Variants in PRSS33 observed in about 807,000 individuals in gnomAD.
PRSS33 encodes the protein serine protease 33.
A neutral mutation model predicts 26.7 loss-of-function variants in PRSS33; 32 were observed. That is an observed-to-expected ratio of 1.20 (90% CI 0.90 to 1.61). The LOEUF is 1.61. Among genes scored for constraint, PRSS33 ranks in the 40% most tolerant of loss-of-function variants. The probability of loss-of-function intolerance (pLI) is 0.00; values close to 1 mark genes in which losing one functional copy is unlikely to be tolerated. For missense variants in PRSS33, 450 were observed against 396.3 expected (o/e 1.14, Z -1.15); for synonymous variants, 192 against 177.6 (o/e 1.08, Z -0.64).
In PRSS33 at chr16:2,786,585, C is replaced by A; in HGVS notation, c.-38G>T. Reference sequence around the variant, plus strand: ...GCTGGGCTGGGTAAGGGTGGCACTGCCTAGGGCTTGGACTCTGGTCTGGAG... The same window carrying A: ...GCTGGGCTGGGTAAGGGTGGCACTGACTAGGGCTTGGACTCTGGTCTGGAG... On this transcript the variant is annotated 5_prime_UTR_variant, in exon 2 of 7. Transcript: ENST00000682474. 1 of 1,611,672 alleles carries A rather than the reference C, an allele frequency of 6.2e-7. No homozygotes were observed. Among genetic ancestry groups the A allele is most frequent in the Admixed American group, 1.7e-5 (1 of 59,906 alleles).
At chr16:2,786,823 G>T (rs2068878999) in intron 1 of PRSS33, 2 of 361,680 alleles carry the variant, frequency 5.5e-6, no homozygotes, top group Non-Finnish European at 1.0e-5. Context: ...CTCGACAGAA[G>T]CCCTGGAGCC....
At position 2,786,118 on chromosome 16, in the gene PRSS33, G is replaced by T. The variant is rs1237494365; in HGVS notation, c.50C>A (p.Ala17Asp). 1 of 1,613,248 alleles carries T rather than the reference G, an allele frequency of 6.2e-7. No homozygotes were observed. Among genetic ancestry groups the T allele is most frequent in the East Asian group, 2.2e-5 (1 of 44,876 alleles). The change falls in exon 3 of 7, where the codon GCT becomes GAT. Residue 17 changes from alanine to aspartate, a missense_variant. Physicochemically the swap from Ala to Asp is moderately radical, Grantham distance 126 (BLOSUM62 -2). Coordinates refer to ENST00000682474, the MANE Select transcript of PRSS33 (RefSeq NM_152891.3). ...LQVLLLLVLG[A>D]AGTQGRKSAA... ...AGACTTCCTTCCCTGAGTCCCAGCAGCTCCTGGAGGAGGAAGCAGGGAAGG... is the reference window on the plus strand; with the variant it reads ...AGACTTCCTTCCCTGAGTCCCAGCATCTCCTGGAGGAGGAAGCAGGGAAGG...
In PRSS33 at chr16:2,786,575, G is replaced by T. The variant is rs780621454; in HGVS notation, c.-28C>A. ...TGTCTTCAAGGCTGGGCTGGGTAAG[G>T]GTGGCACTGCCTAGGGCTTGGACTC... On this transcript the variant is annotated 5_prime_UTR_variant, in exon 2 of 7. Coordinates refer to ENST00000682474, the MANE Select transcript of PRSS33 (RefSeq NM_152891.3). The T allele has an allele frequency of 5.0e-6, 8 of 1,612,704 alleles. No individual in the cohort carries two copies. Among genetic ancestry groups the T allele is most frequent in the Non-Finnish European group, 4.2e-6 (5 of 1,179,484 alleles).
At chr16:2,785,307 A>C in intron 5 of PRSS33, 68 bp downstream of exon 5, 1 of 1,456,482 alleles carries the variant, frequency 6.9e-7, no homozygotes, top group South Asian at 1.4e-5. Flanking sequence ...AGGGGCTGGG[A>C]TTTCCAGTCA....
chr16:2,785,053 C>G lies in PRSS33; in HGVS notation c.633G>C (p.Leu211=), dbSNP rs775473326. ...ADVPQAERIV[L]PGSLCAGYPQ... ...GGTAGCCGGCACACAGACTCCCAGG[C>G]AGCACAATGCGCTCAGCCTGGGGCA... The change falls in exon 6 of 7, where the codon CTG becomes CTC. Residue 211 remains leucine (L), a synonymous_variant. Coordinates refer to ENST00000682474, the MANE Select transcript of PRSS33 (RefSeq NM_152891.3). 7.6e-6 allele frequency: 12 copies of G among 1,583,878 alleles called. No individual in the cohort carries two copies. Among genetic ancestry groups the G allele is most frequent in the Admixed American group, 7.2e-5 (4 of 55,880 alleles).
chr16:2,785,474 T>G lies in PRSS33; in HGVS notation c.415A>C (p.Ser139Arg). ...AGGCAGACGGGTTGGACGCGAGCGCTCAGGGGCACCGGGCGACGCAGCTGC... is the reference window on the plus strand; with the variant it reads ...AGGCAGACGGGTTGGACGCGAGCGCGCAGGGGCACCGGGCGACGCAGCTGC... ...LLQLRRPVPL[S>R]ARVQPVCLPV... The change falls in exon 5 of 7, where the codon AGC becomes CGC. Residue 139 changes from serine to arginine, a missense_variant. Coordinates refer to ENST00000682474, the MANE Select transcript of PRSS33 (RefSeq NM_152891.3). The G allele has an allele frequency of 6.6e-7, 1 of 1,516,202 alleles. No individual in the cohort carries two copies. The highest frequency in any genetic ancestry group is 8.8e-7 in the Non-Finnish European group (1 of 1,140,466). The allele number at this position is 1,516,202 out of a possible 1,614,324, so 93.9% of individuals were successfully genotyped here.
In PRSS33 at chr16:2,786,581, A is replaced by G. The variant is rs747406340; in HGVS notation, c.-34T>C. ...CAAGGCTGGGCTGGGTAAGGGTGGC[A>G]CTGCCTAGGGCTTGGACTCTGGTCT... On this transcript the variant is annotated 5_prime_UTR_variant, in exon 2 of 7. Transcript: ENST00000682474. 7 of 1,611,838 alleles carry G rather than the reference A, an allele frequency of 4.3e-6. No homozygotes were observed. Among genetic ancestry groups the G allele is most frequent in the Non-Finnish European group, 5.9e-6 (7 of 1,179,016 alleles).
At position 2,785,632 on chromosome 16, in the gene PRSS33, G is replaced by T; in HGVS notation, c.257C>A (p.Ala86Asp). Residue 86 changes from alanine to aspartate, a missense_variant, in exon 5 of 7, where the codon GCT (alanine) becomes GAT (aspartate). Ala to Asp is a moderately radical substitution (Grantham distance 126, BLOSUM62 -2). Transcript: ENST00000682474. The part of the protein sequence containing the change: ...AHCFPRRALP[A>D]EYRVRLGALR... Reference sequence around the variant, plus strand: ...CGCCCCCAGGCGCACGCGGTACTCAGCTGGCAGTGCCCTCCTGCAGGACAG... The same window carrying T: ...CGCCCCCAGGCGCACGCGGTACTCATCTGGCAGTGCCCTCCTGCAGGACAG... 1 of 1,497,522 alleles carries T rather than the reference G, an allele frequency of 6.7e-7. No homozygotes were observed. The highest frequency in any genetic ancestry group is 2.2e-5 in the Admixed American group (1 of 44,598). The allele number at this position is 1,497,522 out of a possible 1,614,324, so 92.8% of individuals were successfully genotyped here. A position where few individuals can be genotyped will look rare whatever the true frequency, so the allele number is the denominator to read the frequency against.
intron 3 of PRSS33, 21 bp from the exon 4 acceptor site, chr16:2,785,982 G>T: frequency 6.2e-7 from 1 of 1,613,110 alleles, no homozygotes; most frequent in South Asian, 1.1e-5. Flanking sequence ...ACCAGGGGCG[G>T]TGAGGGTTGG....
chr16:2,786,363 C>G, intron 2 of PRSS33, 139 bp downstream of exon 2: 2 of 1,047,780 alleles, frequency 1.9e-6, no homozygotes, highest in Non-Finnish European at 2.8e-6. Flanking sequence ...AGGTCAGTGG[C>G]AGAGAGGATT....
Position 2,784,727 on chromosome 16 carries a change from C to T in PRSS33, c.760G>A (p.Gly254Ser). The change falls in exon 7 of 7, where the codon GGT (glycine) becomes AGT (serine). Residue 254 changes from glycine (G) to serine (S), a missense_variant. Gly to Ser is a moderately conservative substitution (Grantham distance 56). Coordinates refer to ENST00000682474, the MANE Select transcript of PRSS33 (RefSeq NM_152891.3). The part of the protein sequence containing the change: ...VLVGVVSWGK[G>S]CALPNRPGVY... ...CCTGGACGGTTGGGCAGGGCACAAC[C>T]CTTGCCCCAGCTCACCACGCCCACC... 6.2e-7 allele frequency: 1 copy of T among 1,607,328 alleles called. No individual in the cohort carries two copies. Among genetic ancestry groups the T allele is most frequent in the Middle Eastern group, 1.7e-4 (1 of 6,054 alleles).
In PRSS33 at chr16:2,785,159, T is replaced by A. The variant is rs963930408; in HGVS notation, c.527A>T (p.Glu176Val). ...CCTTACTCCTTGTAGCGGTCGCCACTCTGGGAGGGGCACTGGGGGAAGAGG... is the reference window on the plus strand; with the variant it reads ...CCTTACTCCTTGTAGCGGTCGCCACACTGGGAGGGGCACTGGGGGAAGAGG... ...GSLRPGVPLP[E>V]WRPLQGVRVP... The change falls in exon 6 of 7, where the codon GAG (glutamate) becomes GTG (valine). Residue 176 changes from glutamate (E) to valine (V), a missense_variant. Glu to Val is a moderately radical substitution (Grantham distance 121, BLOSUM62 -2). Transcript: ENST00000682474. 3 of 1,539,250 alleles carry A rather than the reference T, an allele frequency of 1.9e-6. No individual in the cohort carries two copies. The African/African-American group carries it at 4.1e-5, about 21-fold the overall frequency.
chr16:2,785,493 C>T lies in PRSS33; in HGVS notation c.396G>A (p.Leu132=), dbSNP rs1345461118. ...GARGDLALLQ[L]RRPVPLSARV... is the part of the protein sequence containing the mutation. Reference sequence around the variant, plus strand: ...GAGCGCTCAGGGGCACCGGGCGACGCAGCTGCAGCAGTGCCAGGTCGCCGC... The same window carrying T: ...GAGCGCTCAGGGGCACCGGGCGACGTAGCTGCAGCAGTGCCAGGTCGCCGC... Residue 132 remains leucine (L), a synonymous_variant, in exon 5 of 7, where the codon CTG becomes CTA. Transcript: ENST00000682474. 2 of 1,521,560 alleles carry T rather than the reference C, an allele frequency of 1.3e-6. No homozygotes were observed. The highest frequency in any genetic ancestry group is 4.0e-5 in the Admixed American group (2 of 49,928). The allele number at this position is 1,521,560 out of a possible 1,614,324, so 94.3% of individuals were successfully genotyped here.
chr16:2,785,030 T>G lies in PRSS33; in HGVS notation c.656A>C (p.Tyr219Ser). The change falls in exon 6 of 7, where the codon TAC becomes TCC. Residue 219 changes from tyrosine (Y) to serine (S), a missense_variant. By Grantham distance (144) the Tyr-to-Ser change is moderately radical. Coordinates refer to ENST00000682474, the MANE Select transcript of PRSS33 (RefSeq NM_152891.3). Reference sequence around the variant, plus strand: ...GCAGGCGTCCTTGTGGCCCTGGGGGTAGCCGGCACACAGACTCCCAGGCAG... The same window carrying G: ...GCAGGCGTCCTTGTGGCCCTGGGGGGAGCCGGCACACAGACTCCCAGGCAG... The part of the protein sequence containing the change: ...IVLPGSLCAG[Y>S]PQGHKDACQG... The G allele has an allele frequency of 6.3e-7, 1 of 1,592,424 alleles. No homozygotes were observed. Among genetic ancestry groups the G allele is most frequent in the Non-Finnish European group, 8.5e-7 (1 of 1,172,262 alleles).
At position 2,785,857 on chromosome 16, in the gene PRSS33, A is replaced by C; in HGVS notation, c.184T>G (p.Cys62Gly). 6.2e-7 allele frequency: 1 copy of C among 1,608,988 alleles called. No homozygotes were observed. The highest frequency in any genetic ancestry group is 1.3e-5 in the African/African-American group (1 of 74,976). The change falls in exon 4 of 7, where the codon TGC becomes GGC. Residue 62 changes from cysteine (C) to glycine (G), a missense_variant. Cys to Gly is a radical substitution (Grantham distance 159). Coordinates refer to ENST00000682474, the MANE Select transcript of PRSS33 (RefSeq NM_152891.3). Reference sequence around the variant, plus strand: ...TGGGGGGCGATGAGCGACCCCCCGCACACGTGTGCCCCACGATGCTGGATG... The same window carrying C: ...TGGGGGGCGATGAGCGACCCCCCGCCCACGTGTGCCCCACGATGCTGGATG... ...ASIQHRGAHVCGGSLIAPQWV... is the reference protein window; with the variant it reads ...ASIQHRGAHVGGGSLIAPQWV...
At chr16:2,786,144 G>C in intron 2 of PRSS33, 23 bp from the exon 3 acceptor site, 1 of 1,607,490 alleles carries the variant, frequency 6.2e-7, no homozygotes, top group Non-Finnish European at 8.5e-7. Context: ...GCAGGGAAGG[G>C]ACCAGATTAT....
chr16:2,784,774 A>G lies in PRSS33; in HGVS notation c.713T>C (p.Leu238Pro). The change falls in exon 7 of 7, where the codon CTG becomes CCG. Residue 238 changes from leucine (L) to proline (P), a missense_variant. Transcript: ENST00000682474. ...QGDSGGPLTC[L>P]QSGSWVLVGV... is the part of the protein sequence containing the mutation. The stretch of plus-strand genomic sequence containing the variant: ...CACCAGGACCCAGCTCCCAGACTGC[A>G]GGCAGGTCAGAGGTCCCCCAGAATC... 1 of 1,608,892 alleles carries G rather than the reference A, an allele frequency of 6.2e-7. No homozygotes were observed. Among genetic ancestry groups the G allele is most frequent in the Non-Finnish European group, 8.5e-7 (1 of 1,177,922 alleles).
At chr16:2,786,319 A>G (rs2068873926) in intron 2 of PRSS33, among the ~76,000 whole-genome samples, 183 bp downstream of exon 2, 1 of 152,156 alleles carries the variant, frequency 6.6e-6, no homozygotes, top group Non-Finnish European at 1.5e-5. Context: ...TATGAGCATG[A>G]CACCGACAAG....
rs189698738 is a variant in PRSS33 at position 2,785,663 on chromosome 16, G to A, written c.243-17C>T. ...AGTGCCCTCCTGCAGGACAGGAGCG[G>A]GGGACTACTTCCAGCACCGGGTCCT... On this transcript the variant is annotated splice_polypyrimidine_tract_variant and intron_variant, in intron 4 of 6. Transcript: ENST00000682474. 1.4e-4 allele frequency: 212 copies of A among 1,474,678 alleles called. No individual in the cohort carries two copies. In the African/African-American group the frequency reaches 2.8e-3, roughly 19 times the overall value. The allele number at this position is 1,474,678 out of a possible 1,614,324, so 91.3% of individuals were successfully genotyped here.
Sources: gnomAD v4.1 joint callset for allele counts (sites outside exome capture counted in the v4.1 genomes callset) on GRCh38, gnomAD v4.1.1 for gene constraint, MANE v1.5 for transcripts, NCBI Gene and HGNC (gene_info 2026-07-23, HGNC 2026-07-21) for gene names.